NADK: variants seen among roughly 807,000 people sequenced by gnomAD.
The protein encoded by NADK is poly(P)/ATP NAD kinase.
A neutral mutation model predicts 49.8 loss-of-function variants in NADK; 22 were observed. That is an observed-to-expected ratio of 0.44 (90% CI 0.32 to 0.63). The LOEUF (loss-of-function observed/expected upper bound fraction) is 0.63, where lower values mean the gene tolerates loss of function less well. Ranked by LOEUF, NADK falls within the 30% of genes least tolerant of loss-of-function variation. The probability of loss-of-function intolerance (pLI) is 0.06; values close to 1 mark genes in which losing one functional copy is unlikely to be tolerated. For missense variants in NADK, 438 were observed against 609.4 expected (o/e 0.72, Z 2.96); for synonymous variants, 268 against 253.7 (o/e 1.06, Z -0.54).
At chr1:1,772,453 T>C (rs1317152194) in intron 1 of NADK, among the ~76,000 whole-genome samples, 1 of 152,164 alleles carries the variant, frequency 6.6e-6, no homozygotes, top group African/African-American at 2.4e-5. Flanking sequence ...CATGAGCCAC[T>C]GTGCCTAGCC....
At chr1:1,765,482 A>G in intron 1 of NADK, 36 bp from the exon 2 acceptor site, 3 of 1,023,580 alleles carry the variant, frequency 2.9e-6, no homozygotes, top group East Asian at 2.9e-5. Context: ...AAATAAAGTA[A>G]ATAAATATGT....
chr1:1,761,570 C>A, intron 3 of NADK: 1 of 191,328 alleles, frequency 5.2e-6, no homozygotes, highest in Non-Finnish European at 1.1e-5. Flanking sequence ...CCAGAATTCT[C>A]ACTCACTCTT....
chr1:1,774,581 C>T (rs1646154124), intron 1 of NADK, among the ~76,000 whole-genome samples: 1 of 151,402 alleles, frequency 6.6e-6, no homozygotes, highest in Non-Finnish European at 1.5e-5. Flanking sequence ...TCCCACAGTG[C>T]TGGGATTACG....
At chr1:1,779,397 C>G (rs1646307889), upstream of NADK, among the ~76,000 whole-genome samples, 1 of 152,218 alleles carries the variant, frequency 6.6e-6, no homozygotes, top group Non-Finnish European at 1.5e-5. Flanking sequence ...GCCCTATACC[C>G]AGTTCTCAGC....
intron 1 of NADK, among the ~76,000 whole-genome samples, chr1:1,769,182 C>G (rs1645972608): frequency 6.6e-6 from 1 of 152,158 alleles, no homozygotes; most frequent in African/African-American, 2.4e-5. Context: ...CTTTGGGAGA[C>G]CAAGGTGGGC....
chr1:1,762,495 C>T (rs1320704877), intron 2 of NADK, among the ~76,000 whole-genome samples: 1 of 152,226 alleles, frequency 6.6e-6, no homozygotes, highest in Non-Finnish European at 1.5e-5. Flanking sequence ...GTGGCTCACA[C>T]TTGTAATCTC....
rs528633349 is a variant in NADK, at chr1:1,771,357, A to G, written c.-40-5911T>C. Among the ~76,000 whole-genome samples, 20 of 152,228 alleles carry G rather than the reference A, an allele frequency of 1.3e-4. No individual in the cohort carries two copies. In the South Asian group the frequency reaches 2.5e-3, roughly 19 times the overall value. Reference sequence around the variant, plus strand: ...AAATGTTACCCAAACACAACCATCAAAAGCCAAGCAGGCTTCTCTAAAGGA... The same window carrying G: ...AAATGTTACCCAAACACAACCATCAGAAGCCAAGCAGGCTTCTCTAAAGGA... On this transcript the variant is annotated intron_variant, in intron 1 of 11. Transcript: ENST00000341426.
Position 1,752,776 on chromosome 1 carries a change from T to C in NADK, c.*128A>G. The C allele has an allele frequency of 2.6e-6, 3 of 1,137,942 alleles. No individual in the cohort carries two copies. Among genetic ancestry groups the C allele is most frequent in the Non-Finnish European group, 2.5e-6 (2 of 797,692 alleles). 70.5% of individuals were successfully genotyped at this position (1,137,942 alleles called of 1,614,324 possible). A position where few individuals can be genotyped will look rare whatever the true frequency, so the allele number is the denominator to read the frequency against. On this transcript the variant is annotated 3_prime_UTR_variant, in exon 12 of 12. Transcript: ENST00000341426. ...CTGGACAAAAGGCAGACCCAGGCTC[T>C]AACCCAGCTACAGAAAGGAAGTGGC...
At chr1:1,757,332 T>C (rs771395921) in intron 3 of NADK, 22 bp from the exon 4 acceptor site, 9 of 1,595,126 alleles carry the variant, frequency 5.6e-6, no homozygotes, top group Non-Finnish European at 7.7e-6. Context: ...GAGAAAAGAG[T>C]TCACACCAGC....
chr1:1,753,093 C>A (rs1290454550), intron 11 of NADK, 33 bp from the exon 12 acceptor site: 16 of 1,585,886 alleles, frequency 1.0e-5, no homozygotes, highest in Non-Finnish European at 1.3e-5. Context: ...TGAGCCAGGG[C>A]TTCCAGAAAG....
At chr1:1,756,168 G>T in intron 6 of NADK, 90 bp downstream of exon 6, 3 of 1,255,042 alleles carry the variant, frequency 2.4e-6, no homozygotes, top group Non-Finnish European at 2.3e-6. Context: ...ATAAAGGGGT[G>T]AAAAGCAATG....
intron 4 of NADK, 77 bp downstream of exon 4, chr1:1,757,104 C>T: frequency 6.5e-7 from 1 of 1,541,762 alleles, no homozygotes; most frequent in Non-Finnish European, 8.8e-7. Flanking sequence ...CCCATGGTCT[C>T]ACGGGGCGGT....
At chr1:1,755,257 T>C (rs1645476831) in intron 7 of NADK, 117 bp downstream of exon 7, 3 of 765,784 alleles carry the variant, frequency 3.9e-6, no homozygotes, top group Non-Finnish European at 6.6e-6. Context: ...TCCCTGAATC[T>C]TGAAACCTTT....
chr1:1,756,197 C>T (rs1645514663), intron 6 of NADK, 61 bp downstream of exon 6: 1 of 1,442,806 alleles, frequency 6.9e-7, no homozygotes, highest in Non-Finnish European at 9.8e-7. Context: ...GCTTGTGAGC[C>T]CCTCGTTACG....
chr1:1,756,038 C>G (rs983057397), intron 6 of NADK: 7 of 597,450 alleles, frequency 1.2e-5, no homozygotes, highest in Admixed American at 8.8e-5. Context: ...CTGTCCCAGG[C>G]GGGCGCTGGC....
intron 2 of NADK, among the ~76,000 whole-genome samples, chr1:1,763,172 T>TA (rs1196039433): frequency 6.6e-6 from 1 of 152,252 alleles, no homozygotes. Context: ...CGGACTTGTT[T>TA]ACCTCAGCCT....
chr1:1,767,026 T>C (rs1411042431), intron 1 of NADK, among the ~76,000 whole-genome samples: 1 of 152,128 alleles, frequency 6.6e-6, no homozygotes, highest in East Asian at 1.9e-4. Flanking sequence ...GTGATTTTCC[T>C]GCTTCAGCCT....
chr1:1,777,937 T>C (rs902333516), intron 1 of NADK, among the ~76,000 whole-genome samples: 5 of 152,198 alleles, frequency 3.3e-5, no homozygotes, highest in African/African-American at 9.6e-5. Context: ...AGACCCCTCC[T>C]GCTTGCTGAA....
intron 3 of NADK, 189 bp downstream of exon 3, chr1:1,761,763 G>C (rs1328868056): frequency 1.8e-6 from 1 of 551,528 alleles, no homozygotes; most frequent in African/African-American, 1.9e-5. Flanking sequence ...ACGCCCATGT[G>C]GCTTTTTGTT....
Sources: gnomAD v4.1 joint callset for allele counts (sites outside exome capture counted in the v4.1 genomes callset) on GRCh38, gnomAD v4.1.1 for gene constraint, MANE v1.5 for transcripts, NCBI Gene and HGNC (gene_info 2026-07-23, HGNC 2026-07-21) for gene names.